Variants in CTNNBIP1 observed in about 807,000 individuals in gnomAD.
The protein encoded by CTNNBIP1 is catenin beta interacting protein 1, also known as beta-catenin-interacting protein 1.
CTNNBIP1 carries 7 observed loss-of-function variants against 11.8 expected under a neutral mutation model. The ratio of observed to expected loss-of-function variants is 0.60; its 90% CI spans 0.34 to 1.12. The LOEUF is 1.12. Among genes scored for constraint, CTNNBIP1 ranks in the 50% most tolerant of loss-of-function variants. The probability of loss-of-function intolerance (pLI) is 0.03; values close to 1 mark genes in which losing one functional copy is unlikely to be tolerated. For synonymous variants in CTNNBIP1, 58 were observed against 43.9 expected (o/e 1.32, Z -1.26); for missense variants, 101 against 113.4 (o/e 0.89, Z 0.50).
intron 1 of CTNNBIP1, among the ~76,000 whole-genome samples, chr1:9,894,814 C>T (rs1294905984): frequency 6.6e-6 from 1 of 152,072 alleles, no homozygotes; most frequent in Admixed American, 6.6e-5. Flanking sequence ...GATCTCTGCT[C>T]ACTGCAATTT....
At chr1:9,865,565 T>C (rs1425122948) in intron 5 of CTNNBIP1, among the ~76,000 whole-genome samples, 1 of 148,730 alleles carries the variant, frequency 6.7e-6, no homozygotes, top group African/African-American at 2.5e-5. Flanking sequence ...GACCGCACCA[T>C]TGCACTCCAG....
In CTNNBIP1 at chr1:9,902,452, C is replaced by CTTGCTAA. The variant is rs1479558018; in HGVS notation, c.-144+7642_-144+7643insTTAGCAA. Among the ~76,000 whole-genome samples the CTTGCTAA allele has an allele frequency of 8.5e-5, 13 of 152,318 alleles. No individual in the cohort carries two copies. The East Asian group carries it at 1.9e-3, about 23-fold the overall frequency. ...TAAGTGGGAAGGGAGTTCTTGCTAACCATGGCTCCTGAGGTGTGCACTGTT... is the reference window on the plus strand; with the variant it reads ...TAAGTGGGAAGGGAGTTCTTGCTAACTTGCTAACATGGCTCCTGAGGTGTGCACTGTT... On this transcript the variant is annotated intron_variant, in intron 1 of 5. Coordinates refer to ENST00000377263, the MANE Select transcript of CTNNBIP1 (RefSeq NM_020248.3).
intron 2 of CTNNBIP1, among the ~76,000 whole-genome samples, chr1:9,882,334 A>G (rs1242981070): frequency 1.3e-5 from 2 of 152,262 alleles, no homozygotes; most frequent in Admixed American, 6.5e-5. Context: ...GAGGCTTCCA[A>G]TGAGCAGGGG....
intron 5 of CTNNBIP1, among the ~76,000 whole-genome samples, chr1:9,858,260 T>C (rs1289251544): frequency 3.3e-5 from 5 of 152,154 alleles, no homozygotes; most frequent in Non-Finnish European, 5.9e-5. Context: ...CAGGGGGAAG[T>C]TGTTAGAAAC....
intron 1 of CTNNBIP1, among the ~76,000 whole-genome samples, chr1:9,894,977 G>T (rs186464111): frequency 2.6e-4 from 37 of 142,996 alleles, no homozygotes; most frequent in African/African-American, 1.0e-3. Context: ...GTGCAATCTC[G>T]GCTCACTGCA....
intron 1 of CTNNBIP1, among the ~76,000 whole-genome samples, chr1:9,903,651 T>C (rs1639565492): frequency 6.6e-6 from 1 of 152,156 alleles, no homozygotes; most frequent in African/African-American, 2.4e-5. Context: ...CCCTGGGAAC[T>C]ACGAAGGTAC....
chr1:9,869,430 C>T (rs960422291), intron 5 of CTNNBIP1, among the ~76,000 whole-genome samples: 6 of 151,896 alleles, frequency 4.0e-5, no homozygotes, highest in East Asian at 3.9e-4. Flanking sequence ...TGGAGTGCAG[C>T]GGTGAGATCT....
chr1:9,861,755 G>A (rs563477534), intron 5 of CTNNBIP1, among the ~76,000 whole-genome samples: 1 of 152,298 alleles, frequency 6.6e-6, no homozygotes, highest in Admixed American at 6.5e-5. Flanking sequence ...CTAGGCTTGG[G>A]GTCCCTTGTG....
chr1:9,888,050 C>G (rs937970797), intron 1 of CTNNBIP1, among the ~76,000 whole-genome samples: 2 of 151,782 alleles, frequency 1.3e-5, no homozygotes, highest in Non-Finnish European at 2.9e-5. Flanking sequence ...TCTTGAAATC[C>G]TAACCTCAAG....
chr1:9,868,927 C>T lies in CTNNBIP1; in HGVS notation c.187+2260G>A, dbSNP rs568105110. ...CTGGGATTACAGGCATGAACCACCA[C>T]GCCCAGCACCCCTTGTCAAAAACAA... On this transcript the variant is annotated intron_variant, in intron 5 of 5. Transcript: ENST00000377263. Among the ~76,000 whole-genome samples the T allele has an allele frequency of 9.2e-5, 14 of 152,224 alleles. No homozygotes were observed. The East Asian group carries it at 9.7e-4, about 11-fold the overall frequency.
At chr1:9,879,403 G>C (rs1481086035) in intron 2 of CTNNBIP1, among the ~76,000 whole-genome samples, 1 of 152,216 alleles carries the variant, frequency 6.6e-6, no homozygotes, top group South Asian at 2.1e-4. Context: ...GATGACCCAA[G>C]GGGCTGAGGA....
intron 1 of CTNNBIP1, among the ~76,000 whole-genome samples, chr1:9,906,560 A>G (rs925146653): frequency 1.3e-5 from 2 of 150,350 alleles, no homozygotes; most frequent in African/African-American, 4.9e-5. Flanking sequence ...ACTCCATCTA[A>G]AAAAAAAAAT....
chr1:9,881,418 CA>C (rs1405736130), intron 2 of CTNNBIP1, among the ~76,000 whole-genome samples: 5 of 141,588 alleles, frequency 3.5e-5, no homozygotes, highest in Non-Finnish European at 7.5e-5. Flanking sequence ...CAGCTCACTG[CA>C]ACCTCCGCCT....
intron 5 of CTNNBIP1, among the ~76,000 whole-genome samples, chr1:9,856,866 G>GT (rs1355791548): frequency 6.6e-6 from 1 of 151,882 alleles, no homozygotes; most frequent in East Asian, 1.9e-4. Context: ...GCTCACGCCT[G>GT]TAATTCCAGC....
chr1:9,850,416 T>C lies in CTNNBIP1; in HGVS notation c.*302A>G, dbSNP rs1050253189. ...AGCCAGATACCGAGGCGCAAATTTT[T>C]TAAAAAATAAGAGTCAGAAATAAAA... On this transcript the variant is annotated 3_prime_UTR_variant, in exon 6 of 6. Coordinates refer to ENST00000377263, the MANE Select transcript of CTNNBIP1 (RefSeq NM_020248.3). The C allele has an allele frequency of 3.7e-6, 1 of 271,000 alleles. No homozygotes were observed. The highest frequency in any genetic ancestry group is 7.2e-5 in the East Asian group (1 of 13,986). The allele number at this position is 271,000 out of a possible 1,614,324, so 16.8% of individuals were successfully genotyped here.
At chr1:9,877,209 G>A (rs899159868) in intron 3 of CTNNBIP1, among the ~76,000 whole-genome samples, 1 of 152,192 alleles carries the variant, frequency 6.6e-6, no homozygotes, top group Non-Finnish European at 1.5e-5. Context: ...AGTCACATGC[G>A]GCAGTTGGAG....
intron 1 of CTNNBIP1, among the ~76,000 whole-genome samples, chr1:9,899,405 G>A (rs977280691): frequency 4.2e-5 from 6 of 144,540 alleles, no homozygotes; most frequent in Non-Finnish European, 7.5e-5. Flanking sequence ...GCAGTGAGCC[G>A]AGATGGCACC....
intron 2 of CTNNBIP1, among the ~76,000 whole-genome samples, chr1:9,878,750 C>A (rs1639022256): frequency 6.6e-6 from 1 of 152,184 alleles, no homozygotes; most frequent in African/African-American, 2.4e-5. Flanking sequence ...GCGCTGGGAG[C>A]CTTGCCCACC....
intron 1 of CTNNBIP1, among the ~76,000 whole-genome samples, chr1:9,895,657 A>C (rs530889358): frequency 6.4e-4 from 97 of 150,774 alleles, no homozygotes; most frequent in African/African-American, 2.2e-3. Context: ...CACCATGCCC[A>C]GCTAATTTTT....
Sources: gnomAD v4.1 joint callset for allele counts (sites outside exome capture counted in the v4.1 genomes callset) on GRCh38, gnomAD v4.1.1 for gene constraint, MANE v1.5 for transcripts, NCBI Gene and HGNC (gene_info 2026-07-23, HGNC 2026-07-21) for gene names.